Variants in SAMD11 observed in about 807,000 individuals in gnomAD.
SAMD11 encodes the protein sterile alpha motif domain containing 11.
A neutral mutation model predicts 64.4 loss-of-function variants in SAMD11; 77 were observed. The ratio of observed to expected loss-of-function variants is 1.20; its 90% CI spans 0.99 to 1.44. The LOEUF (loss-of-function observed/expected upper bound fraction) is 1.44, where lower values mean the gene tolerates loss of function less well. SAMD11 is among the 40% of genes most tolerant of loss of function. SAMD11 has a pLI of 0.00. For synonymous variants in SAMD11, 658 were observed against 421.9 expected (o/e 1.56, Z -6.86); for missense variants, 1,402 against 943.3 (o/e 1.49, Z -6.37).
At chr1:937,870 G>A (rs557018036) in intron 5 of SAMD11, among the ~76,000 whole-genome samples, 44 of 152,234 alleles carry the variant, frequency 2.9e-4, no homozygotes, top group African/African-American at 7.2e-4. Flanking sequence ...CGGTGTGGCC[G>A]CCGCACTTCC....
At chr1:936,277 CCCGCCTCCTAGGGCTCCTGGACGGAGGG>C (rs1641440917) in intron 5 of SAMD11, among the ~76,000 whole-genome samples, 1 of 141,888 alleles carries the variant, frequency 7.0e-6, no homozygotes, top group African/African-American at 2.7e-5. Flanking sequence ...GGTCCCCGGT[CCCGCCTCCTAGGGCTCCTGGACGGAGGG>C]GGTCCCCGGT....
intron 12 of SAMD11, 46 bp downstream of exon 12, chr1:943,423 C>G: frequency 1.4e-6 from 2 of 1,445,980 alleles, no homozygotes; most frequent in Non-Finnish European, 1.9e-6. Context: ...AGCTGGCTGG[C>G]AGTCACTACC....
chr1:935,706 T>C, intron 4 of SAMD11, 66 bp from the exon 5 acceptor site: 3 of 1,603,616 alleles, frequency 1.9e-6, no homozygotes, highest in South Asian at 1.1e-5. Context: ...GCACTCCCTG[T>C]GCCCAGGCTG....
At chr1:941,693 AGACCCG>A (rs1641775761) in intron 8 of SAMD11, among the ~76,000 whole-genome samples, 1 of 152,064 alleles carries the variant, frequency 6.6e-6, no homozygotes, top group South Asian at 2.1e-4. Flanking sequence ...CCTCCGGCAC[AGACCCG>A]GGTTTCTCGG....
At chr1:935,212 T>G (rs927935803) in intron 4 of SAMD11, among the ~76,000 whole-genome samples, 1 of 152,132 alleles carries the variant, frequency 6.6e-6, no homozygotes, top group African/African-American at 2.4e-5. Context: ...AGCGGGAGGT[T>G]GGAGCACGCA....
intron 4 of SAMD11, 43 bp downstream of exon 4, chr1:931,132 C>CCCTG (rs71576583): frequency 1.4e-6 from 2 of 1,413,544 alleles, no homozygotes; most frequent in East Asian, 2.5e-5. Flanking sequence ...GCCGTGACTC[C>CCCTG]CCTCCCTCCC....
At position 943,595 on chromosome 1, in the gene SAMD11, T is replaced by C. The variant is rs556710175; in HGVS notation, c.2179-103T>C. Reference sequence around the variant, plus strand: ...ACTCAAACCCAACAGATCACTGTTTTTAAAAAATTTCCGTGAGCTGCACAA... The same window carrying C: ...ACTCAAACCCAACAGATCACTGTTTCTAAAAAATTTCCGTGAGCTGCACAA... On this transcript the variant is annotated intron_variant, in intron 12 of 13. Coordinates refer to ENST00000616016, the MANE Select transcript of SAMD11 (RefSeq NM_001385641.1). The C allele has an allele frequency of 7.8e-6, 10 of 1,275,452 alleles. No individual in the cohort carries two copies. In the South Asian group the frequency reaches 1.2e-4, roughly 15 times the overall value. The allele number at this position is 1,275,452 out of a possible 1,614,324, so 79.0% of individuals were successfully genotyped here. A position where few individuals can be genotyped will look rare whatever the true frequency, so the allele number is the denominator to read the frequency against.
At chr1:938,761 A>G (rs1182829853) in intron 5 of SAMD11, among the ~76,000 whole-genome samples, 1 of 152,208 alleles carries the variant, frequency 6.6e-6, no homozygotes, top group Non-Finnish European at 1.5e-5. Context: ...ACAAGAGGCT[A>G]GATGGCGGGT....
chr1:943,142 T>G, intron 11 of SAMD11, 84 bp downstream of exon 11: 3 of 1,577,520 alleles, frequency 1.9e-6, no homozygotes, highest in Non-Finnish European at 2.6e-6. Context: ...GGAGGAAAAA[T>G]TCCCCTTAGG....
intron 1 of SAMD11, among the ~76,000 whole-genome samples, chr1:925,465 C>T (rs1190765612): frequency 1.3e-5 from 2 of 151,836 alleles, no homozygotes; most frequent in African/African-American, 4.8e-5. Flanking sequence ...TGAGCCGGGA[C>T]ACAGGGGGTG....
chr1:925,810 G>T, intron 1 of SAMD11, 112 bp from the exon 2 acceptor site: 1 of 751,542 alleles, frequency 1.3e-6, no homozygotes, highest in Non-Finnish European at 2.3e-6. Context: ...GGTGGGTGTG[G>T]GGTTCGGGGT....
chr1:940,295 CG>C (rs1320032741), intron 7 of SAMD11: 1 of 33,022 alleles, frequency 3.0e-5, no homozygotes, highest in African/African-American at 1.2e-4. Context: ...GCCGCGCCGC[CG>C]CCCCCCCCCC....
Position 944,392 on chromosome 1 carries a change from G to A in SAMD11, c.*239G>A, listed in dbSNP as rs1194714337. 4.7e-6 allele frequency: 6 copies of A among 1,278,920 alleles called. No homozygotes were observed. The highest frequency in any genetic ancestry group is 5.1e-6 in the Non-Finnish European group (5 of 988,602). 79.2% of individuals were successfully genotyped at this position (1,278,920 alleles called of 1,614,324 possible). On this transcript the variant is annotated 3_prime_UTR_variant, in exon 14 of 14. Coordinates refer to ENST00000616016, the MANE Select transcript of SAMD11 (RefSeq NM_001385641.1). ...GGGCAGAGGTGGTGGAAGGGGCCAG[G>A]GGCCTGCAGGCCTCCCCCTGGAACT...
rs549381595 is a variant in SAMD11 at position 934,036 on chromosome 1, A to G, written c.843-1736A>G. On this transcript the variant is annotated intron_variant, in intron 4 of 13. Coordinates refer to ENST00000616016, the MANE Select transcript of SAMD11 (RefSeq NM_001385641.1). Reference sequence around the variant, plus strand: ...GGAGGCGGCTGCGTTACAGGTGGGCAGGGGAGGCGGCTGCGTTACAGGTGG... The same window carrying G: ...GGAGGCGGCTGCGTTACAGGTGGGCGGGGGAGGCGGCTGCGTTACAGGTGG... 1.4e-3 allele frequency among the ~76,000 whole-genome samples: 107 copies of G among 77,902 alleles called. 10 individuals carry two copies. The highest frequency in any genetic ancestry group is 8.8e-3 in the African/African-American group (87 of 9,890). The allele number at this position is 77,902 out of a possible 152,430, so 51.1% of individuals were successfully genotyped here.
chr1:927,256 GCT>G (rs1163130351), intron 2 of SAMD11, among the ~76,000 whole-genome samples: 1 of 152,202 alleles, frequency 6.6e-6, no homozygotes, highest in Non-Finnish European at 1.5e-5. Flanking sequence ...CTTTCAAGCA[GCT>G]GGTGCTGGAG....
intron 2 of SAMD11, among the ~76,000 whole-genome samples, chr1:928,899 A>C (rs1641034804): frequency 6.6e-6 from 1 of 152,190 alleles, no homozygotes. Context: ...AGGTCTGAGG[A>C]GGACACCCTC....
At position 944,069 on chromosome 1, in the gene SAMD11, T is replaced by G. The variant is rs1490842599; in HGVS notation, c.2451T>G (p.Leu817=). 6.2e-7 allele frequency: 1 copy of G among 1,612,534 alleles called. No individual in the cohort carries two copies. The highest frequency in any genetic ancestry group is 1.3e-5 in the African/African-American group (1 of 74,908). Reference sequence around the variant, plus strand: ...CCCCCTATGGAGGGGGCCACGCCCTTGCCGGTCAAACTTCACCCAAGCAGG... The same window carrying G: ...CCCCCTATGGAGGGGGCCACGCCCTGGCCGGTCAAACTTCACCCAAGCAGG... The part of the protein sequence containing the change: ...ATSPYGGGHA[L]AGQTSPKQEN... Residue 817 remains leucine (L), a synonymous_variant, in exon 14 of 14, where the codon CTT becomes CTG. Transcript: ENST00000616016.
rs371190871 is a variant in SAMD11, at chr1:941,298, C to G, written c.1350C>G (p.Phe450Leu). The change falls in exon 8 of 14, where the codon TTC becomes TTG. Residue 450 changes from phenylalanine to leucine, a missense_variant. Coordinates refer to ENST00000616016, the MANE Select transcript of SAMD11 (RefSeq NM_001385641.1). ...CCGCCCCAGCTGCCGCCCCGTCCTT[C>G]TCGGAGAGGTACTGGGGTGGCTGCC... ...EGAAPAAAPS[F>L]SERELPQPPP... 1.4e-5 allele frequency: 22 copies of G among 1,586,738 alleles called. No homozygotes were observed. The highest frequency in any genetic ancestry group is 9.1e-5 in the South Asian group (8 of 88,128).
intron 5 of SAMD11, 111 bp downstream of exon 5, chr1:936,007 G>T: frequency 2.6e-6 from 3 of 1,175,366 alleles, no homozygotes; most frequent in Non-Finnish European, 3.6e-6. Context: ...GGCAGGAGGA[G>T]CGGCCTGTCC....
Sources: gnomAD v4.1 joint callset for allele counts (sites outside exome capture counted in the v4.1 genomes callset) on GRCh38, gnomAD v4.1.1 for gene constraint, MANE v1.5 for transcripts, NCBI Gene and HGNC (gene_info 2026-07-23, HGNC 2026-07-21) for gene names.